The following HSD17B11 variants were observed in gnomAD, a reference collection of about 807,000 sequenced individuals.
The protein encoded by HSD17B11 is hydroxysteroid 17-beta dehydrogenase 11.
HSD17B11 carries 22 observed loss-of-function variants against 27.8 expected under a neutral mutation model. That is an observed-to-expected ratio of 0.79 (90% CI 0.56 to 1.13). HSD17B11 has a LOEUF of 1.13. Among genes scored for constraint, HSD17B11 ranks in the 50% most tolerant of loss-of-function variants. The pLI, the probability that HSD17B11 is intolerant of heterozygous loss-of-function variation, is 0.00. For synonymous variants in HSD17B11, 117 were observed against 132.8 expected, an observed-to-expected ratio of 0.88 and a Z score of 0.82; for missense variants, 314 against 351.1, an observed-to-expected ratio of 0.89 and a Z score of 0.84.
At chr4:87,366,906 T>G (rs1038553947) in intron 4 of HSD17B11, among the ~76,000 whole-genome samples, 1 of 151,940 alleles carries the variant, frequency 6.6e-6, no homozygotes, top group African/African-American at 2.4e-5. Context: ...CTGAATTAAC[T>G]GAACCAATAG....
intron 4 of HSD17B11, among the ~76,000 whole-genome samples, chr4:87,362,329 C>T (rs1735532527): frequency 6.6e-6 from 1 of 152,164 alleles, no homozygotes; most frequent in African/African-American, 2.4e-5. Context: ...AGTTCGAGAC[C>T]AGCTTGGCCA....
intron 5 of HSD17B11, among the ~76,000 whole-genome samples, chr4:87,347,116 C>T (rs13105267): frequency 0.22 from 9,412 of 43,462 alleles, 477 homozygotes; most frequent in East Asian, 0.42. Flanking sequence ...TTTTTTTTTT[C>T]TTTTTTTTTT....
intron 6 of HSD17B11, 118 bp from the exon 7 acceptor site, chr4:87,337,484 T>A (rs1339423833): frequency 1.6e-6 from 1 of 628,296 alleles, no homozygotes; most frequent in African/African-American, 1.9e-5. Context: ...TAAATAAGAT[T>A]AAGCATCTTA....
chr4:87,390,274 A>G (rs1284076370), intron 1 of HSD17B11, among the ~76,000 whole-genome samples: 2 of 152,126 alleles, frequency 1.3e-5, no homozygotes, highest in Admixed American at 1.3e-4. Context: ...CTCCTGCCTC[A>G]GCCTCCCCAA....
chr4:87,375,071 A>G (rs532980077), intron 2 of HSD17B11, among the ~76,000 whole-genome samples: 6 of 152,086 alleles, frequency 3.9e-5, no homozygotes, highest in Non-Finnish European at 5.9e-5. Flanking sequence ...GCTAATTTTT[A>G]TATTTTTAGT....
chr4:87,373,865 G>A (rs1179669273), intron 3 of HSD17B11, among the ~76,000 whole-genome samples: 1 of 152,046 alleles, frequency 6.6e-6, no homozygotes, highest in Admixed American at 6.5e-5. Context: ...TCACATCCAA[G>A]AAAACTTTGA....
chr4:87,381,622 G>A (rs1286410028), intron 2 of HSD17B11, among the ~76,000 whole-genome samples: 1 of 151,690 alleles, frequency 6.6e-6, no homozygotes, highest in African/African-American at 2.4e-5. Context: ...TAGCTGGCGT[G>A]GTGGCACACA....
At chr4:87,381,150 G>GCA (rs989646786) in intron 2 of HSD17B11, among the ~76,000 whole-genome samples, 4 of 136,930 alleles carry the variant, frequency 2.9e-5, no homozygotes, top group African/African-American at 1.1e-4. Context: ...TCACGCCACT[G>GCA]CACTCCAGCC....
intron 2 of HSD17B11, among the ~76,000 whole-genome samples, chr4:87,379,702 T>TAC (rs1560770072): frequency 6.2e-5 from 9 of 144,584 alleles, no homozygotes; most frequent in African/African-American, 2.3e-4. Context: ...TACTATACTA[T>TAC]TATATTAGTA....
At chr4:87,376,853 G>C (rs1313409745) in intron 2 of HSD17B11, among the ~76,000 whole-genome samples, 2 of 152,156 alleles carry the variant, frequency 1.3e-5, no homozygotes, top group Non-Finnish European at 2.9e-5. Flanking sequence ...TTGTAGGCTG[G>C]GCACGGTGGC....
chr4:87,378,949 TATATATA>T (rs1720048351), intron 2 of HSD17B11, among the ~76,000 whole-genome samples: 4 of 25,178 alleles, frequency 1.6e-4, no homozygotes, highest in African/African-American at 9.3e-4. Context: ...TATATATATT[TATATATA>T]TATATTTTTT....
At position 87,391,027 on chromosome 4, in the gene HSD17B11, A is replaced by G. The variant is rs1427681363; in HGVS notation, c.44T>C (p.Ile15Thr). The change falls in exon 1 of 7, where the codon ATC becomes ACC. Residue 15 changes from isoleucine to threonine, a missense_variant. By Grantham distance (89) the Ile-to-Thr change is moderately conservative (BLOSUM62 -1). Transcript: ENST00000358290. ...LDILLLLPLL[I>T]VCSLESFVKL... ...CACGAAGGACTCTAGGGAGCAGACG[A>G]TCAGTAACGGGAGAAGCAGGAGGAT... The G allele has an allele frequency of 6.2e-7, 1 of 1,613,858 alleles. No homozygotes were observed. Among genetic ancestry groups the G allele is most frequent in the African/African-American group, 1.3e-5 (1 of 74,826 alleles).
intron 1 of HSD17B11, among the ~76,000 whole-genome samples, chr4:87,389,840 C>G (rs1720410057): frequency 6.6e-6 from 1 of 152,162 alleles, no homozygotes; most frequent in African/African-American, 2.4e-5. Context: ...CTCCCTAAGC[C>G]ACACCTACAC....
chr4:87,371,108 T>C (rs999265291), intron 4 of HSD17B11, among the ~76,000 whole-genome samples: 2 of 152,164 alleles, frequency 1.3e-5, no homozygotes, highest in Admixed American at 6.5e-5. Context: ...TAGAGTAACT[T>C]GCCTAAGGTC....
chr4:87,361,272 C>T (rs1735507311), intron 4 of HSD17B11, among the ~76,000 whole-genome samples: 2 of 152,194 alleles, frequency 1.3e-5, no homozygotes, highest in Non-Finnish European at 1.5e-5. Context: ...CACTGCTACA[C>T]TCCCACCAGC....
At chr4:87,381,760 CAA>C (rs33982875) in intron 2 of HSD17B11, among the ~76,000 whole-genome samples, 72,441 of 132,692 alleles carry the variant, frequency 0.55, 19,398 homozygotes, top group Admixed American at 0.6. Flanking sequence ...CCCCCCATCT[CAA>C]AAAAAAAAAA....
intron 4 of HSD17B11, 88 bp downstream of exon 4, chr4:87,372,621 T>C (rs1578042780): frequency 1.2e-6 from 1 of 809,728 alleles, no homozygotes; most frequent in East Asian, 2.5e-5. Context: ...CTCTTATGAT[T>C]ATAAAGAGAG....
At chr4:87,342,989 T>C (rs997665506) in intron 5 of HSD17B11, among the ~76,000 whole-genome samples, 3 of 152,246 alleles carry the variant, frequency 2.0e-5, no homozygotes, top group Admixed American at 1.3e-4. Flanking sequence ...ATTCATTTTG[T>C]AGCACATTGC....
rs181245362 is a variant in HSD17B11 at position 87,377,983 on chromosome 4, G to A, written c.319-3153C>T. On this transcript the variant is annotated intron_variant, in intron 2 of 6. Transcript: ENST00000358290. ...CAGAATGGTTGAGTTTCATACCCAA[G>A]GTCACATGGCTATTAAAAGATGGAG... 2.0e-5 allele frequency among the ~76,000 whole-genome samples: 3 copies of A among 152,192 alleles called. No homozygotes were observed. The East Asian group carries it at 5.8e-4, about 29-fold the overall frequency.
Sources: gnomAD v4.1 joint callset for allele counts (sites outside exome capture counted in the v4.1 genomes callset) on GRCh38, gnomAD v4.1.1 for gene constraint, MANE v1.5 for transcripts, NCBI Gene and HGNC (gene_info 2026-07-23, HGNC 2026-07-21) for gene names.